Variants in FYN observed in about 807,000 individuals in gnomAD.
FYN encodes the protein tyrosine-protein kinase Fyn.
FYN carries 10 observed loss-of-function variants against 70.2 expected under a neutral mutation model. The ratio of observed to expected loss-of-function variants is 0.14; its 90% CI spans 0.09 to 0.24. The LOEUF (loss-of-function observed/expected upper bound fraction) is 0.24. Among genes scored for constraint, FYN ranks in the 10% least tolerant of loss-of-function variants. FYN has a pLI of 1.00. For missense variants in FYN, 319 were observed against 673.1 expected (o/e 0.47, Z 5.82); for synonymous variants, 236 against 248.6 (o/e 0.95, Z 0.48).
chr6:111,731,565 C>G (rs958716825), intron 3 of FYN, among the ~76,000 whole-genome samples: 2 of 152,228 alleles, frequency 1.3e-5, no homozygotes, highest in African/African-American at 4.8e-5. Context: ...TTTATTCAGG[C>G]TGCCAGAAAT....
intron 5 of FYN, among the ~76,000 whole-genome samples, 177 bp downstream of exon 5, chr6:111,714,170 T>A (rs1163241154): frequency 2.0e-5 from 3 of 152,228 alleles, no homozygotes; most frequent in Admixed American, 1.3e-4. Context: ...CACAGTGCCA[T>A]AAAATACTGC....
rs542612763 is a variant in FYN, at chr6:111,660,619, T to C, written c.*1120A>G. 5.9e-5 allele frequency: 9 copies of C among 152,348 alleles called. No homozygotes were observed. The highest frequency in any genetic ancestry group is 1.7e-4 in the African/African-American group (7 of 41,574). The allele number at this position is 152,348 out of a possible 1,614,324, so 9.4% of individuals were successfully genotyped here. ...TTCCACTGGAGAACTCCTGGACATA[T>C]AGAAAGTCATTCGTTAGCAGTACAG... is the stretch of plus-strand genomic sequence containing the variant. On this transcript the variant is annotated 3_prime_UTR_variant, in exon 14 of 14. Transcript: ENST00000354650.
At chr6:111,690,838 C>T (rs1799283150) in intron 12 of FYN, among the ~76,000 whole-genome samples, 1 of 152,204 alleles carries the variant, frequency 6.6e-6, no homozygotes, top group Admixed American at 6.5e-5. Flanking sequence ...GATTTCAAAA[C>T]CAGTTCCATC....
At chr6:111,732,156 C>G (rs1402868002) in intron 3 of FYN, among the ~76,000 whole-genome samples, 1 of 152,128 alleles carries the variant, frequency 6.6e-6, no homozygotes, top group Non-Finnish European at 1.5e-5. Flanking sequence ...TTTTTCTTAA[C>G]AAATCCAAAA....
At chr6:111,693,027 A>G (rs1028476690) in intron 12 of FYN, among the ~76,000 whole-genome samples, 2 of 152,256 alleles carry the variant, frequency 1.3e-5, no homozygotes, top group African/African-American at 2.4e-5. Context: ...AAGAACTGCC[A>G]CGTGTTGGGG....
In FYN at chr6:111,675,788, G is replaced by A. The variant is rs1331861668; in HGVS notation, c.1274-1158C>T. ...AGCCTAGGTGACAGAGCAAGAGTCC[G>A]TCTCAGAAAAAAATGAAATAAAATA... On this transcript the variant is annotated intron_variant, in intron 12 of 13. Coordinates refer to ENST00000354650, the MANE Select transcript of FYN (RefSeq NM_002037.5). 5.3e-5 allele frequency among the ~76,000 whole-genome samples: 8 copies of A among 150,928 alleles called. No individual in the cohort carries two copies. In the East Asian group the frequency reaches 7.7e-4, roughly 15 times the overall value.
chr6:111,728,740 T>C lies in FYN; in HGVS notation c.-11-8678A>G, dbSNP rs1160249168. On this transcript the variant is annotated intron_variant, in intron 3 of 13. Transcript: ENST00000354650. ...GGATATACCAGATGTTGTTTATCTA[T>C]TCATCAACTGATGGACATTTGGGTT... 3.3e-5 allele frequency among the ~76,000 whole-genome samples: 5 copies of C among 152,238 alleles called. No homozygotes were observed. In the East Asian group the frequency reaches 9.6e-4, roughly 29 times the overall value.
At chr6:111,791,303 T>A (rs945435885) in intron 2 of FYN, among the ~76,000 whole-genome samples, 1 of 152,110 alleles carries the variant, frequency 6.6e-6, no homozygotes, top group African/African-American at 2.4e-5. Context: ...TATAAAAGTA[T>A]GCATAAATGT....
intron 3 of FYN, among the ~76,000 whole-genome samples, chr6:111,777,357 C>CTTTTTTTTTTTTTTTTTTTTTT (rs1562517057): frequency 1.3e-5 from 2 of 152,060 alleles, no homozygotes; most frequent in African/African-American, 4.8e-5. Context: ...AAGATATTTC[C>CTTTTTTTTTTTTTTTTTTTTTT]ATTTTTAAAC....
intron 2 of FYN, among the ~76,000 whole-genome samples, chr6:111,837,476 C>T (rs143900419): frequency 2.0e-5 from 3 of 152,266 alleles, no homozygotes; most frequent in Admixed American, 6.5e-5. Context: ...AAAAACAATA[C>T]GGACAGGTGC....
intron 2 of FYN, among the ~76,000 whole-genome samples, chr6:111,810,659 G>A (rs1772294650): frequency 6.6e-6 from 1 of 151,888 alleles, no homozygotes; most frequent in Admixed American, 6.6e-5. Context: ...ACAAATACGA[G>A]TGTGAAGCCC....
At chr6:111,870,576 G>T (rs1774242207) in intron 1 of FYN, among the ~76,000 whole-genome samples, 1 of 152,182 alleles carries the variant, frequency 6.6e-6, no homozygotes, top group Non-Finnish European at 1.5e-5. Flanking sequence ...AGATAAGTAA[G>T]ATAAGGTTCC....
chr6:111,693,674 G>A (rs1554275297), intron 12 of FYN, among the ~76,000 whole-genome samples: 2 of 152,108 alleles, frequency 1.3e-5, no homozygotes, highest in Non-Finnish European at 2.9e-5. Flanking sequence ...AGATTTTCGA[G>A]TAACTATGCT....
chr6:111,710,564 T>C (rs1370635778), intron 5 of FYN, among the ~76,000 whole-genome samples: 1 of 152,168 alleles, frequency 6.6e-6, no homozygotes, highest in Non-Finnish European at 1.5e-5. Flanking sequence ...TTGATTTCTC[T>C]TTTTCTAGGC....
At chr6:111,674,944 T>C (rs1798468158) in intron 12 of FYN, among the ~76,000 whole-genome samples, 1 of 152,170 alleles carries the variant, frequency 6.6e-6, no homozygotes, top group Non-Finnish European at 1.5e-5. Context: ...TAAACATACA[T>C]AGGATTTAGT....
At chr6:111,695,083 G>A (rs976021782) in intron 10 of FYN, among the ~76,000 whole-genome samples, 5 of 152,198 alleles carry the variant, frequency 3.3e-5, no homozygotes, top group Non-Finnish European at 7.3e-5. Flanking sequence ...CAGCCCAGCT[G>A]AGTGGTCCAA....
chr6:111,717,959 CCTT>C (rs1305026205), intron 4 of FYN, among the ~76,000 whole-genome samples: 3 of 152,202 alleles, frequency 2.0e-5, no homozygotes, highest in Admixed American at 6.5e-5. Context: ...TGGCAACTTT[CCTT>C]CTTTCCTTAG....
At chr6:111,695,943 T>C (rs1165353524) in intron 10 of FYN, among the ~76,000 whole-genome samples, 2 of 152,206 alleles carry the variant, frequency 1.3e-5, no homozygotes, top group Admixed American at 6.5e-5. Flanking sequence ...TAACAAAAGC[T>C]ACTACATTCA....
At chr6:111,842,745 T>A (rs1773401935) in intron 2 of FYN, among the ~76,000 whole-genome samples, 1 of 152,198 alleles carries the variant, frequency 6.6e-6, no homozygotes, top group South Asian at 2.1e-4. Flanking sequence ...GGCCTCAAAT[T>A]TCTAACCCTC....
Sources: gnomAD v4.1 joint callset for allele counts (sites outside exome capture counted in the v4.1 genomes callset) on GRCh38, gnomAD v4.1.1 for gene constraint, MANE v1.5 for transcripts, NCBI Gene and HGNC (gene_info 2026-07-23, HGNC 2026-07-21) for gene names.